Variants in THSD7A observed in about 807,000 individuals in gnomAD.
The protein encoded by THSD7A is thrombospondin type-1 domain-containing protein 7A.
In THSD7A, 96 loss-of-function variants were observed where a neutral mutation model predicts 231.3. That is an observed-to-expected ratio of 0.41 (90% confidence interval 0.35 to 0.49). THSD7A has a LOEUF of 0.49. Ranked by LOEUF, THSD7A falls within the 20% of genes least tolerant of loss-of-function variation. The pLI is 0.05. For missense variants in THSD7A, 2,290 were observed against 2,070.2 expected (o/e 1.11, Z -2.06); for synonymous variants, 940 against 743.3 (o/e 1.26, Z -4.30).
chr7:11,563,554 G>T (rs1031374299), intron 4 of THSD7A, among the ~76,000 whole-genome samples: 1 of 151,988 alleles, frequency 6.6e-6, no homozygotes, highest in African/African-American at 2.4e-5. Flanking sequence ...TAGAGACAGG[G>T]TTTCACCATG....
chr7:11,761,014 A>T (rs1325759930), intron 1 of THSD7A, among the ~76,000 whole-genome samples: 1 of 149,932 alleles, frequency 6.7e-6, no homozygotes, highest in East Asian at 1.9e-4. Flanking sequence ...GAATACAAAC[A>T]TATTGCTAAG....
chr7:11,789,420 C>T (rs568469133), intron 1 of THSD7A, among the ~76,000 whole-genome samples: 2 of 152,030 alleles, frequency 1.3e-5, no homozygotes, highest in African/African-American at 2.4e-5. Flanking sequence ...GAAAACCAGC[C>T]AGGAGGTCAC....
chr7:11,554,161 T>C (rs1426720723), intron 4 of THSD7A, among the ~76,000 whole-genome samples: 1 of 152,040 alleles, frequency 6.6e-6, no homozygotes, highest in Non-Finnish European at 1.5e-5. Context: ...ACTTAATGTC[T>C]ACCAGAATCT....
At position 11,407,023 on chromosome 7, in the gene THSD7A, G is replaced by A. The variant is rs756591528; in HGVS notation, c.3949C>T (p.Pro1317Ser). The change falls in exon 21 of 28, where the codon CCC (proline) becomes TCC (serine). Residue 1317 changes from proline (P) to serine (S), a missense_variant. By Grantham distance (74) the Pro-to-Ser change is moderately conservative (BLOSUM62 -1). Transcript: ENST00000423059. Reference protein sequence around the residue: ...KMIRRRTVTQPFQGDGRPCPS... With the variant: ...KMIRRRTVTQSFQGDGRPCPS... ...CATGGTCTTCCATCACCTTGAAAGG[G>A]CTGGGTCACTGTTCGTCTTCGGATC... 9 of 1,613,742 alleles carry A rather than the reference G, an allele frequency of 5.6e-6. No individual in the cohort carries two copies. Among genetic ancestry groups the A allele is most frequent in the African/African-American group, 1.3e-5 (1 of 74,902 alleles).
At chr7:11,608,028 T>A (rs1041759669) in intron 2 of THSD7A, among the ~76,000 whole-genome samples, 2 of 152,146 alleles carry the variant, frequency 1.3e-5, no homozygotes, top group African/African-American at 2.4e-5. Context: ...TTCTATCCTT[T>A]CACACAGTGA....
intron 2 of THSD7A, among the ~76,000 whole-genome samples, chr7:11,602,298 A>ATG (rs1251812299): frequency 2.6e-5 from 4 of 152,002 alleles, no homozygotes; most frequent in African/African-American, 9.7e-5. Context: ...GTGTGCATAT[A>ATG]TGTGTGTGTG....
At chr7:11,528,723 T>C (rs779012972) in intron 6 of THSD7A, among the ~76,000 whole-genome samples, 1 of 152,142 alleles carries the variant, frequency 6.6e-6, no homozygotes, top group Non-Finnish European at 1.5e-5. Context: ...ATTAATCTTG[T>C]AGCAAGCTAT....
intron 1 of THSD7A, among the ~76,000 whole-genome samples, chr7:11,818,776 C>A (rs1784785125): frequency 6.6e-6 from 1 of 152,186 alleles, no homozygotes; most frequent in Admixed American, 6.5e-5. Flanking sequence ...CTATTTCCTT[C>A]TACTTTGGGA....
Position 11,417,610 on chromosome 7 carries a change from A to G in THSD7A, c.3384-7T>C, listed in dbSNP as rs1425871592. 6.3e-7 allele frequency: 1 copy of G among 1,594,178 alleles called. No homozygotes were observed. The highest frequency in any genetic ancestry group is 1.1e-5 in the South Asian group (1 of 87,176). ...TGCTGTATTCTGCATGCATCTAGAA[A>G]AGAACATAAACATATTCTAGAAAAT... On this transcript the variant is annotated splice_polypyrimidine_tract_variant and splice_region_variant and intron_variant, in intron 16 of 27. Transcript: ENST00000423059.
intron 13 of THSD7A, among the ~76,000 whole-genome samples, chr7:11,438,694 C>A (rs17624598): frequency 6.6e-6 from 1 of 152,028 alleles, no homozygotes; most frequent in East Asian, 1.9e-4. Context: ...ATTAAAGTGG[C>A]CTACAAAAAC....
intron 1 of THSD7A, among the ~76,000 whole-genome samples, chr7:11,652,671 T>G (rs943040516): frequency 1.3e-5 from 2 of 152,004 alleles, no homozygotes; most frequent in African/African-American, 4.8e-5. Flanking sequence ...AACTTTTTAT[T>G]AAGTTGAAAT....
intron 1 of THSD7A, among the ~76,000 whole-genome samples, chr7:11,817,988 C>G (rs1173541783): frequency 1.3e-5 from 2 of 152,132 alleles, no homozygotes; most frequent in African/African-American, 2.4e-5. Context: ...TGCAACTAAT[C>G]TGGAAATCCC....
chr7:11,463,641 G>A (rs1785586915), intron 9 of THSD7A, among the ~76,000 whole-genome samples: 1 of 152,100 alleles, frequency 6.6e-6, no homozygotes, highest in South Asian at 2.1e-4. Context: ...GAATAAGCGG[G>A]ATACTACAGG....
chr7:11,794,509 G>A (rs139670817), intron 1 of THSD7A, among the ~76,000 whole-genome samples: 197 of 151,934 alleles, frequency 1.3e-3, no homozygotes, highest in African/African-American at 4.7e-3. Flanking sequence ...TCTCCCCCCT[G>A]CCTCTTTTGT....
chr7:11,475,983 G>A (rs1347706549), intron 7 of THSD7A, among the ~76,000 whole-genome samples: 3 of 129,316 alleles, frequency 2.3e-5, no homozygotes, highest in South Asian at 5.0e-4. Flanking sequence ...ACTATATCAT[G>A]AGAGTTAACA....
intron 13 of THSD7A, among the ~76,000 whole-genome samples, chr7:11,445,254 T>C (rs1209574949): frequency 6.6e-6 from 1 of 152,068 alleles, no homozygotes; most frequent in Non-Finnish European, 1.5e-5. Flanking sequence ...GTGGTATCTA[T>C]GTTTCAGGCT....
chr7:11,778,853 T>C (rs1297571790), intron 1 of THSD7A, among the ~76,000 whole-genome samples: 2 of 152,162 alleles, frequency 1.3e-5, no homozygotes, highest in Non-Finnish European at 2.9e-5. Context: ...AATAAATGTA[T>C]AACATCCTTA....
In THSD7A at chr7:11,814,676, A is replaced by C. The variant is rs571364825; in HGVS notation, c.190+17081T>G. 3.3e-5 allele frequency among the ~76,000 whole-genome samples: 5 copies of C among 152,320 alleles called. No homozygotes were observed. In the East Asian group the frequency reaches 5.8e-4, roughly 18 times the overall value. On this transcript the variant is annotated intron_variant, in intron 1 of 27. Coordinates refer to ENST00000423059, the MANE Select transcript of THSD7A (RefSeq NM_015204.3). This position sits in a 1 kb window ranked among gnomAD's most constrained non-coding sequence, Gnocchi z 5.1. ...CTTATACAATGAGCCAAGAGAACTAAAGAAATTACATTAAATATTGCAGTA... is the reference window on the plus strand; with the variant it reads ...CTTATACAATGAGCCAAGAGAACTACAGAAATTACATTAAATATTGCAGTA...
chr7:11,464,172 TA>T (rs1203325398), intron 9 of THSD7A, among the ~76,000 whole-genome samples: 5 of 152,210 alleles, frequency 3.3e-5, no homozygotes, highest in South Asian at 4.1e-4. Flanking sequence ...CTTTTTTTTT[TA>T]AAGTATACAA....
Sources: gnomAD v4.1 joint callset for allele counts (sites outside exome capture counted in the v4.1 genomes callset) on GRCh38, gnomAD v4.1.1 for gene constraint, Gnocchi (gnomAD v3.1) non-coding constraint, MANE v1.5 for transcripts, NCBI Gene and HGNC (gene_info 2026-07-23, HGNC 2026-07-21) for gene names.